FHOD3: variants seen among roughly 807,000 people sequenced by gnomAD.
FHOD3 encodes the protein FH1/FH2 domain-containing protein 3.
Under a neutral mutation model 173.0 loss-of-function variants are expected in FHOD3, and 90 were observed. That is an observed-to-expected ratio of 0.52 (90% confidence interval 0.44 to 0.62). The LOEUF (loss-of-function observed/expected upper bound fraction) is 0.62, where lower values mean the gene tolerates loss of function less well. Among genes scored for constraint, FHOD3 ranks in the 20% least tolerant of loss-of-function variants. The pLI is 0.00. For missense variants in FHOD3, 1,945 were observed against 2,034.7 expected, an observed-to-expected ratio of 0.96 and a Z score of 0.85; for synonymous variants, 828 against 823.0, an observed-to-expected ratio of 1.01 and a Z score of -0.10.
At chr18:36,306,836 A>T (rs1044281166) in intron 1 of FHOD3, among the ~76,000 whole-genome samples, 4 of 152,358 alleles carry the variant, frequency 2.6e-5, no homozygotes, top group Middle Eastern at 3.4e-3. Context: ...TAGTCTGCTC[A>T]TCCCAGCCAT....
chr18:36,577,835 A>G (rs978088723), intron 6 of FHOD3, among the ~76,000 whole-genome samples: 1 of 152,202 alleles, frequency 6.6e-6, no homozygotes, highest in African/African-American at 2.4e-5. Flanking sequence ...AGGTGCGCCG[A>G]AAGCTGGGCA....
At position 36,652,818 on chromosome 18, in the gene FHOD3, T is replaced by G; in HGVS notation, c.1535T>G (p.Ile512Arg). ...TPGSLKVSPTIDKLPYVPHSP... is the reference protein window; with the variant it reads ...TPGSLKVSPTRDKLPYVPHSP... ...GGCTCCCTGAAGGTGTCACCGACCA[T>G]AGACAAGCTGCCCTACGTGCCCCAC... Residue 512 changes from isoleucine to arginine, a missense_variant, in exon 12 of 29, where the codon ATA (isoleucine) becomes AGA (arginine). Transcript: ENST00000590592. 1 of 1,535,972 alleles carries G rather than the reference T, an allele frequency of 6.5e-7. No homozygotes were observed. The highest frequency in any genetic ancestry group is 8.7e-7 in the Non-Finnish European group (1 of 1,146,726).
At chr18:36,759,252 A>C in intron 26 of FHOD3, 111 bp downstream of exon 26, 1 of 1,190,536 alleles carries the variant, frequency 8.4e-7, no homozygotes, top group Admixed American at 2.0e-5. Flanking sequence ...TGCTTTAAAC[A>C]ATGCATGGAC....
At chr18:36,492,826 C>G (rs2054537664) in intron 3 of FHOD3, among the ~76,000 whole-genome samples, 1 of 152,168 alleles carries the variant, frequency 6.6e-6, no homozygotes, top group African/African-American at 2.4e-5. Context: ...AAAAGCAAAG[C>G]CTTTGCTTTG....
chr18:36,703,504 T>C (rs1600317456), intron 17 of FHOD3, among the ~76,000 whole-genome samples: 1 of 152,306 alleles, frequency 6.6e-6, no homozygotes, highest in African/African-American at 2.4e-5. Flanking sequence ...ATCTTCACTT[T>C]ATATTGTAGG....
chr18:36,475,470 C>T (rs1443922112), intron 3 of FHOD3, among the ~76,000 whole-genome samples: 3 of 113,172 alleles, frequency 2.7e-5, no homozygotes, highest in Admixed American at 9.3e-5. Flanking sequence ...TGAATCTCCT[C>T]GTGGAGGGGT....
At chr18:36,712,325 T>C (rs1286609788) in intron 18 of FHOD3, among the ~76,000 whole-genome samples, 2 of 152,238 alleles carry the variant, frequency 1.3e-5, no homozygotes, top group Non-Finnish European at 2.9e-5. Flanking sequence ...GACGGGGATT[T>C]TGAAGCAGCC....
At chr18:36,367,675 T>A (rs1905316628) in intron 2 of FHOD3, among the ~76,000 whole-genome samples, 1 of 152,152 alleles carries the variant, frequency 6.6e-6, no homozygotes, top group Non-Finnish European at 1.5e-5. Flanking sequence ...AAATTTTGTA[T>A]TAGTCAGGGT....
In FHOD3 at chr18:36,759,114, G is replaced by A. The variant is rs191754939; in HGVS notation, c.4426-4G>A. 6.5e-7 allele frequency: 1 copy of A among 1,535,658 alleles called. No individual in the cohort carries two copies. The highest frequency in any genetic ancestry group is 2.0e-5 in the Admixed American group (1 of 50,992). On this transcript the variant is annotated splice_polypyrimidine_tract_variant and splice_region_variant and intron_variant, in intron 25 of 28. Coordinates refer to ENST00000590592, the MANE Select transcript of FHOD3 (RefSeq NM_001281740.3). ...GTCCTGTCCTGTCCTGTCCTCTCGGGTAGACTGATGAGGAGGAGGAAGTTG... is the reference window on the plus strand; with the variant it reads ...GTCCTGTCCTGTCCTGTCCTCTCGGATAGACTGATGAGGAGGAGGAAGTTG...
chr18:36,600,353 C>T (rs557558079), intron 7 of FHOD3, among the ~76,000 whole-genome samples: 185 of 151,798 alleles, frequency 1.2e-3, no homozygotes, highest in African/African-American at 4.3e-3. Flanking sequence ...GTGAGTGGAC[C>T]CCATAATTCT....
chr18:36,312,103 T>C (rs1376769458), intron 1 of FHOD3, among the ~76,000 whole-genome samples: 1 of 152,234 alleles, frequency 6.6e-6, no homozygotes, highest in African/African-American at 2.4e-5. Flanking sequence ...CTACTCTTGC[T>C]AAGGTACTTG....
In FHOD3 at chr18:36,766,739, A is replaced by G. The variant is rs60381064; in HGVS notation, c.4625-2526A>G. On this transcript the variant is annotated intron_variant, in intron 27 of 28. Transcript: ENST00000590592. ...ATGTTTCCTTTAAGCATCTCCTGACACATTACATTGACAGAAGATCCCTGG... is the reference window on the plus strand; with the variant it reads ...ATGTTTCCTTTAAGCATCTCCTGACGCATTACATTGACAGAAGATCCCTGG... Among the ~76,000 whole-genome samples, 376 of 152,332 alleles carry G rather than the reference A, an allele frequency of 2.5e-3. 2 individuals are homozygous for G. The highest frequency in any genetic ancestry group is 8.7e-3 in the African/African-American group (360 of 41,572).
At chr18:36,572,549 G>A (rs979198736) in intron 5 of FHOD3, among the ~76,000 whole-genome samples, 2 of 152,146 alleles carry the variant, frequency 1.3e-5, no homozygotes, top group Middle Eastern at 3.2e-3. Flanking sequence ...TAGCGTGATC[G>A]GACACTTGAA....
chr18:36,535,967 A>C (rs1423630849), intron 5 of FHOD3, among the ~76,000 whole-genome samples: 1 of 152,250 alleles, frequency 6.6e-6, no homozygotes, highest in Non-Finnish European at 1.5e-5. Context: ...TTCAAACTAC[A>C]ATAGTAATAA....
At chr18:36,654,127 G>GATGTTTTGC (rs1385844128) in intron 13 of FHOD3, among the ~76,000 whole-genome samples, 2 of 152,160 alleles carry the variant, frequency 1.3e-5, no homozygotes, top group African/African-American at 4.8e-5. Context: ...GTCCTTGTCA[G>GATGTTTTGC]CAAGATGTTT....
At chr18:36,580,595 T>G (rs2058814113) in intron 6 of FHOD3, among the ~76,000 whole-genome samples, 1 of 152,244 alleles carries the variant, frequency 6.6e-6, no homozygotes, top group Admixed American at 6.5e-5. Flanking sequence ...CTGCCAAGTT[T>G]ATTTCCAGTC....
chr18:36,452,517 A>G (rs920270263), intron 3 of FHOD3, among the ~76,000 whole-genome samples: 5 of 152,228 alleles, frequency 3.3e-5, no homozygotes, highest in Non-Finnish European at 7.3e-5. Flanking sequence ...GGTGTTAACT[A>G]TAGGCATAGT....
chr18:36,657,050 C>T (rs2036474830), intron 13 of FHOD3, among the ~76,000 whole-genome samples: 1 of 152,186 alleles, frequency 6.6e-6, no homozygotes, highest in South Asian at 2.1e-4. Context: ...GAAGGATACA[C>T]TCATTTTGAA....
chr18:36,763,284 C>T (rs934954537), intron 27 of FHOD3, among the ~76,000 whole-genome samples: 5 of 131,050 alleles, frequency 3.8e-5, no homozygotes, highest in African/African-American at 8.5e-5. Context: ...ACGTTATATA[C>T]AATATGCGTA....
Sources: allele counts gnomAD v4.1 joint callset (sites outside exome capture counted in the v4.1 genomes callset), GRCh38; gene constraint gnomAD v4.1.1; transcripts MANE v1.5; gene names NCBI Gene and HGNC (gene_info 2026-07-23, HGNC 2026-07-21).